The following NOTCH1 variants were observed in gnomAD, a reference collection of about 807,000 sequenced individuals.
The protein encoded by NOTCH1 is notch receptor 1.
Under a neutral mutation model 254.8 loss-of-function variants are expected in NOTCH1, and 37 were observed. The observed-to-expected ratio is 0.15, with a 90% confidence interval of 0.11 to 0.19. The LOEUF (loss-of-function observed/expected upper bound fraction) is 0.19, where lower values mean the gene tolerates loss of function less well. Among genes scored for constraint, NOTCH1 ranks in the 10% least tolerant of loss-of-function variants. The probability of loss-of-function intolerance (pLI) is 1.00; values close to 1 mark genes in which losing one functional copy is unlikely to be tolerated. For missense variants in NOTCH1, 2,972 were observed against 3,708.6 expected (o/e 0.80, Z 5.16); for synonymous variants, 1,731 against 1,618.1 (o/e 1.07, Z -1.68).
At chr9:136,512,853 G>A (rs1389853144) in intron 15 of NOTCH1, among the ~76,000 whole-genome samples, 168 bp downstream of exon 15, 1 of 152,106 alleles carries the variant, frequency 6.6e-6, no homozygotes, top group Non-Finnish European at 1.5e-5. Context: ...CCTTCTGGAA[G>A]GCCCCGCCCC....
intron 1 of NOTCH1, among the ~76,000 whole-genome samples, chr9:136,544,591 G>C (rs1281930090): frequency 6.7e-6 from 1 of 150,266 alleles, no homozygotes; most frequent in African/African-American, 2.5e-5. Context: ...CTCAGCTCCC[G>C]CCCGTGGGAA....
rs1237976240 is a variant in NOTCH1, at chr9:136,496,255, T to C, written c.7484A>G (p.Asp2495Gly). Residue 2495 changes from aspartate to glycine, a missense_variant, in exon 34 of 34, where the codon GAC becomes GGC. Asp to Gly is a moderately conservative substitution (Grantham distance 94). Around this residue, in one of 8 missense-constraint regions of NOTCH1, gnomAD observed 85 missense variants for 126.1 expected, o/e 0.67. Coordinates refer to ENST00000651671, the MANE Select transcript of NOTCH1 (RefSeq NM_017617.5). ...PSQHSYSSPV[D>G]NTPSHQLQVP... Reference sequence around the variant, plus strand: ...CTGTAGCTGGTGGCTGGGGGTGTTGTCCACAGGCGAGGAGTAGCTGTGCTG... The same window carrying C: ...CTGTAGCTGGTGGCTGGGGGTGTTGCCCACAGGCGAGGAGTAGCTGTGCTG... 11 of 1,603,678 alleles carry C rather than the reference T, an allele frequency of 6.9e-6. No individual in the cohort carries two copies. The highest frequency in any genetic ancestry group is 9.4e-6 in the Non-Finnish European group (11 of 1,174,772).
intron 27 of NOTCH1, 54 bp downstream of exon 27, chr9:136,503,128 G>C (rs1194077837): frequency 6.2e-7 from 1 of 1,610,814 alleles, no homozygotes; most frequent in East Asian, 2.2e-5. Context: ...TGGGGCACGG[G>C]GGGATGGCAC....
intron 1 of NOTCH1, among the ~76,000 whole-genome samples, chr9:136,544,948 G>A (rs982596101): frequency 1.4e-4 from 21 of 152,196 alleles, no homozygotes; most frequent in South Asian, 2.1e-4. Flanking sequence ...TCTGGAAGAG[G>A]ACAGATAATT....
intron 20 of NOTCH1, 44 bp downstream of exon 20, chr9:136,508,188 C>T (rs1266460751): frequency 1.2e-6 from 2 of 1,609,004 alleles, no homozygotes; most frequent in Admixed American, 1.7e-5. Flanking sequence ...CCACAGAGGA[C>T]CTTGATGGGC....
chr9:136,513,560 G>C lies in NOTCH1; in HGVS notation c.2208-23C>G. The C allele has an allele frequency of 6.2e-7, 1 of 1,612,540 alleles. No homozygotes were observed. The highest frequency in any genetic ancestry group is 8.5e-7 in the Non-Finnish European group (1 of 1,179,886). On this transcript the variant is annotated intron_variant, in intron 13 of 33. Coordinates refer to ENST00000651671, the MANE Select transcript of NOTCH1 (RefSeq NM_017617.5). The surrounding 1 kb of genome is among the most constrained non-coding windows in gnomAD (Gnocchi z 4.7). ...TACCTGCAAGGGGGACCACACTGCA[G>C]GTCGAGGGAGGCCCGAGCAGCACGG...
rs2133370499 is a variant in NOTCH1, at chr9:136,518,580, A to C, written c.1099+11T>G. On this transcript the variant is annotated intron_variant, in intron 6 of 33. Coordinates refer to ENST00000651671, the MANE Select transcript of NOTCH1 (RefSeq NM_017617.5). ...AGCCCCCTGCGCCCACCTGGGCCTC[A>C]AGGCACTCACCTGTGCGGCCATGGG... The C allele has an allele frequency of 1.2e-6, 2 of 1,609,874 alleles. No individual in the cohort carries two copies. The highest frequency in any genetic ancestry group is 1.7e-6 in the Non-Finnish European group (2 of 1,178,432).
chr9:136,509,728 C>A lies in NOTCH1; in HGVS notation c.2969+5G>T, dbSNP rs2133350224. 1 of 1,612,458 alleles carries A rather than the reference C, an allele frequency of 6.2e-7. No individual in the cohort carries two copies. The highest frequency in any genetic ancestry group is 1.3e-5 in the African/African-American group (1 of 75,060). On this transcript the variant is annotated splice_donor_5th_base_variant and intron_variant, in intron 18 of 33. Transcript: ENST00000651671. ...CTTCCACGGCCTCACTCGAGCCCCGCACACCTCTCTGTGCAGTCAGGCGTG... is the reference window on the plus strand; with the variant it reads ...CTTCCACGGCCTCACTCGAGCCCCGAACACCTCTCTGTGCAGTCAGGCGTG...
intron 30 of NOTCH1, 82 bp downstream of exon 30, chr9:136,501,666 A>G (rs2133328175): frequency 6.5e-7 from 1 of 1,539,666 alleles, no homozygotes; most frequent in Non-Finnish European, 8.9e-7. Flanking sequence ...CAGAGTATCA[A>G]CTGTACCCCA....
chr9:136,519,330 C>T (rs992206018), intron 5 of NOTCH1, 113 bp downstream of exon 5: 55 of 1,481,076 alleles, frequency 3.7e-5, no homozygotes, highest in Non-Finnish European at 5.1e-5. Context: ...CCCTAGTCTG[C>T]CTGGCCTGGG....
chr9:136,500,784 T>C lies in NOTCH1; in HGVS notation c.5702A>G (p.Glu1901Gly), dbSNP rs2133326569. ...GACGGCCGGCGCGTCCTCCTCTTCCTCGCTGTTGCCCGTCTCCAGGCCGCC... is the reference window on the plus strand; with the variant it reads ...GACGGCCGGCGCGTCCTCCTCTTCCCCGCTGTTGCCCGTCTCCAGGCCGCC... ...SGGGLETGNS[E>G]EEEDAPAVIS... The change falls in exon 31 of 34, where the codon GAG becomes GGG. Residue 1901 changes from glutamate (E) to glycine (G), a missense_variant. Glu to Gly is a moderately conservative substitution (Grantham distance 98). Around this residue, in one of 8 missense-constraint regions of NOTCH1, gnomAD observed 421 missense variants for 604.4 expected, o/e 0.70. Coordinates refer to ENST00000651671, the MANE Select transcript of NOTCH1 (RefSeq NM_017617.5). 1.9e-6 allele frequency: 3 copies of C among 1,601,956 alleles called. No individual in the cohort carries two copies. Among genetic ancestry groups the C allele is most frequent in the Non-Finnish European group, 2.5e-6 (3 of 1,179,740 alleles).
rs2133318859 is a variant in NOTCH1, at chr9:136,497,354, G to A, written c.6385C>T (p.Leu2129=). 1.2e-6 allele frequency: 2 copies of A among 1,606,808 alleles called. No individual in the cohort carries two copies. The highest frequency in any genetic ancestry group is 1.7e-6 in the Non-Finnish European group (2 of 1,179,256). The change falls in exon 34 of 34, where the codon CTG becomes TTG. Residue 2129 remains leucine (L), a synonymous_variant. Coordinates refer to ENST00000651671, the MANE Select transcript of NOTCH1 (RefSeq NM_017617.5). ...GGCGACAGGGTGGGCGTGCCCCCCA[G>A]CGGGGCTCCGTGCAGCTGCGGGCTG... The part of the protein sequence containing the change: ...VRSPQLHGAP[L]GGTPTLSPPL...
Position 136,495,773 on chromosome 9 carries a change from G to T in NOTCH1, c.*298C>A. ...TTGTTTATATTTTATAAACACAGAA[G>T]AATCTTTTCATCCTACGTAGGAAAA... On this transcript the variant is annotated 3_prime_UTR_variant, in exon 34 of 34. Coordinates refer to ENST00000651671, the MANE Select transcript of NOTCH1 (RefSeq NM_017617.5). The T allele has an allele frequency of 2.4e-6, 1 of 418,972 alleles. No individual in the cohort carries two copies. The highest frequency in any genetic ancestry group is 4.2e-6 in the Non-Finnish European group (1 of 236,150). 26.0% of individuals were successfully genotyped at this position (418,972 alleles called of 1,614,324 possible).
intron 21 of NOTCH1, 59 bp downstream of exon 21, chr9:136,507,896 G>A: frequency 6.4e-7 from 1 of 1,565,416 alleles, no homozygotes; most frequent in Non-Finnish European, 8.8e-7. Flanking sequence ...CCCAGCCAGG[G>A]CCTGGTGTGT....
In NOTCH1 at chr9:136,500,585, C is replaced by G. The variant is rs762092431; in HGVS notation, c.5901G>C (p.Ala1967=). 6.2e-7 allele frequency: 1 copy of G among 1,611,712 alleles called. No individual in the cohort carries two copies. Among genetic ancestry groups the G allele is most frequent in the African/African-American group, 1.3e-5 (1 of 74,930 alleles). Residue 1967 remains alanine, a synonymous_variant, in exon 31 of 34, where the codon GCG becomes GCC. Coordinates refer to ENST00000651671, the MANE Select transcript of NOTCH1 (RefSeq NM_017617.5). Reference sequence around the variant, plus strand: ...CACCTTGTGCGTCGGCAGACACAGCCGCATGCAGCGGGGTGCGGCCCATGT... The same window carrying G: ...CACCTTGTGCGTCGGCAGACACAGCGGCATGCAGCGGGGTGCGGCCCATGT... ...QDNMGRTPLH[A]AVSADAQGVF... is the part of the protein sequence containing the mutation.
intron 2 of NOTCH1, chr9:136,542,875 G>A (rs1488969482): frequency 1.3e-5 from 2 of 152,276 alleles, no homozygotes; most frequent in African/African-American, 4.8e-5. Flanking sequence ...TCTCATCAGG[G>A]ATGGACTCAA....
chr9:136,545,751 C>T lies in NOTCH1; in HGVS notation c.36G>A (p.Ala12=). ...CTCGTGCGGCGAGCGCGGGCAGCAG[C>T]GCCAGGCAGAGCAGGGGCGCCAGGA... ...PPLLAPLLCL[A]LLPALAARGP... The change falls in exon 1 of 34, where the codon GCG becomes GCA. Residue 12 remains alanine (A), a synonymous_variant. Coordinates refer to ENST00000651671, the MANE Select transcript of NOTCH1 (RefSeq NM_017617.5). This position sits in a 1 kb window ranked among gnomAD's most constrained non-coding sequence, Gnocchi z 6.8. 6 of 1,416,114 alleles carry T rather than the reference C, an allele frequency of 4.2e-6. No individual in the cohort carries two copies. Among genetic ancestry groups the T allele is most frequent in the Non-Finnish European group, 5.5e-6 (6 of 1,088,190 alleles). 87.7% of individuals were successfully genotyped at this position (1,416,114 alleles called of 1,614,324 possible).
chr9:136,510,627 G>C, intron 17 of NOTCH1, 26 bp downstream of exon 17: 1 of 1,596,126 alleles, frequency 6.3e-7, no homozygotes, highest in Non-Finnish European at 8.5e-7. Context: ...CTTCCTGGAG[G>C]AGGCCAGAGC....
chr9:136,544,047 C>T lies in NOTCH1; in HGVS notation c.117G>A (p.Ala39=), dbSNP rs1843773960. 2 of 1,576,234 alleles carry T rather than the reference C, an allele frequency of 1.3e-6. No individual in the cohort carries two copies. Among genetic ancestry groups the T allele is most frequent in the Non-Finnish European group, 1.7e-6 (2 of 1,161,888 alleles). Residue 39 remains alanine, a synonymous_variant, in exon 2 of 34, where the codon GCG becomes GCA. Coordinates refer to ENST00000651671, the MANE Select transcript of NOTCH1 (RefSeq NM_017617.5). ...ACACGCAGGCCTCCGTGCCATTGGC[C>T]GCTTCACACTTCCCGCCATTCAGGC... is the stretch of plus-strand genomic sequence containing the variant. ...ETCLNGGKCE[A]ANGTEACVCG...
Sources: gnomAD v4.1 joint callset for allele counts (sites outside exome capture counted in the v4.1 genomes callset) on GRCh38, gnomAD v4.1.1 for gene constraint, gnomAD v4.1.1 regional missense constraint, Gnocchi (gnomAD v3.1) non-coding constraint, MANE v1.5 for transcripts, NCBI Gene and HGNC (gene_info 2026-07-23, HGNC 2026-07-21) for gene names.